The following CNTN4 variants were observed in gnomAD, a reference collection of about 807,000 sequenced individuals.
CNTN4 encodes the protein contactin-4.
A neutral mutation model predicts 122.5 loss-of-function variants in CNTN4; 77 were observed. The observed-to-expected ratio is 0.63, with a 90% CI of 0.52 to 0.76. CNTN4 has a LOEUF of 0.76. Ranked by LOEUF, CNTN4 falls within the 30% of genes least tolerant of loss-of-function variation. The pLI, the probability that CNTN4 is intolerant of heterozygous loss-of-function variation, is 0.00. For synonymous variants in CNTN4, 512 were observed against 447.0 expected (o/e 1.15, Z -1.83); for missense variants, 1,256 against 1,259.1 (o/e 1.00, Z 0.04).
chr3:2,345,999 A>T (rs1178385374), intron 3 of CNTN4, among the ~76,000 whole-genome samples: 2 of 152,164 alleles, frequency 1.3e-5, no homozygotes, highest in Admixed American at 6.5e-5. Context: ...TCCTTTCAGC[A>T]GCGTGTAGTT....
intron 6 of CNTN4, among the ~76,000 whole-genome samples, chr3:2,752,156 CACTT>C (rs1441073522): frequency 3.3e-5 from 5 of 152,148 alleles, no homozygotes; most frequent in Non-Finnish European, 5.9e-5. Context: ...AAATAACTAT[CACTT>C]ACAAAAACTT....
At chr3:2,371,396 C>T (rs192142156) in intron 3 of CNTN4, among the ~76,000 whole-genome samples, 1 of 152,240 alleles carries the variant, frequency 6.6e-6, no homozygotes, top group Admixed American at 6.5e-5. Flanking sequence ...AATTACAAAC[C>T]CCAACCCCAA....
intron 2 of CNTN4, among the ~76,000 whole-genome samples, chr3:2,243,467 C>T (rs1005831521): frequency 5.9e-5 from 9 of 151,946 alleles, no homozygotes; most frequent in African/African-American, 1.9e-4. Flanking sequence ...TTTATTGTGG[C>T]CTGAGACAAA....
At chr3:2,451,540 T>A (rs1388720508) in intron 3 of CNTN4, among the ~76,000 whole-genome samples, 5 of 151,724 alleles carry the variant, frequency 3.3e-5, no homozygotes, top group Non-Finnish European at 7.4e-5. Context: ...AGATCTTAAA[T>A]ATATTTATTC....
intron 2 of CNTN4, among the ~76,000 whole-genome samples, chr3:2,281,700 G>A (rs1039428226): frequency 2.6e-5 from 4 of 151,912 alleles, no homozygotes; most frequent in Non-Finnish European, 5.9e-5. Flanking sequence ...ACAGCTTTTG[G>A]TATTGCTAGG....
intron 3 of CNTN4, among the ~76,000 whole-genome samples, chr3:2,390,092 G>C (rs2046388711): frequency 6.6e-6 from 1 of 152,058 alleles, no homozygotes; most frequent in African/African-American, 2.4e-5. Context: ...TTTATTTTCA[G>C]ATGACAGTTT....
intron 8 of CNTN4, among the ~76,000 whole-genome samples, chr3:2,872,169 C>T (rs1179972562): frequency 6.6e-6 from 1 of 152,174 alleles, no homozygotes; most frequent in Non-Finnish European, 1.5e-5. Context: ...ACAAAGGTAA[C>T]AGACCACTCA....
intron 7 of CNTN4, among the ~76,000 whole-genome samples, chr3:2,828,803 C>T (rs1198759791): frequency 7.2e-5 from 11 of 152,122 alleles, no homozygotes; most frequent in Admixed American, 2.6e-4. Flanking sequence ...TGCAGTGGCA[C>T]GATCATGGGT....
chr3:2,780,468 A>G lies in CNTN4; in HGVS notation c.358+34771A>G, dbSNP rs936133601. Among the ~76,000 whole-genome samples, 4 of 152,218 alleles carry G rather than the reference A, an allele frequency of 2.6e-5. No individual in the cohort carries two copies. In the South Asian group the frequency reaches 8.3e-4, roughly 31 times the overall value. On this transcript the variant is annotated intron_variant, in intron 6 of 24. Coordinates refer to ENST00000418658, the MANE Select transcript of CNTN4 (RefSeq NM_175607.3). Reference sequence around the variant, plus strand: ...TTTATGCATTTTCTCTTTGGCTTCCACATAAGAATAAAAGACTATATATTT... The same window carrying G: ...TTTATGCATTTTCTCTTTGGCTTCCGCATAAGAATAAAAGACTATATATTT...
intron 16 of CNTN4, among the ~76,000 whole-genome samples, chr3:3,033,090 A>C (rs570885020): frequency 6.6e-6 from 1 of 152,290 alleles, no homozygotes; most frequent in East Asian, 1.9e-4. Context: ...AGAGGGAAAC[A>C]CTTTTCTATT....
chr3:2,801,648 C>T (rs567633149), intron 6 of CNTN4, among the ~76,000 whole-genome samples: 6 of 150,528 alleles, frequency 4.0e-5, no homozygotes, highest in Non-Finnish European at 4.4e-5. Flanking sequence ...TTGCTTGTAT[C>T]ATTGTCGTGA....
chr3:2,861,222 T>A (rs908403707), intron 7 of CNTN4, among the ~76,000 whole-genome samples: 48 of 152,148 alleles, frequency 3.2e-4, no homozygotes. Flanking sequence ...TCAATTCATG[T>A]CTCTTGACAC....
intron 6 of CNTN4, among the ~76,000 whole-genome samples, chr3:2,752,805 C>T (rs1425316969): frequency 6.6e-6 from 1 of 152,276 alleles, no homozygotes; most frequent in East Asian, 1.9e-4. Flanking sequence ...CTACTGTCTA[C>T]TCTAATTCTG....
At chr3:2,401,519 CAACTT>C (rs1488305449) in intron 3 of CNTN4, among the ~76,000 whole-genome samples, 1 of 152,092 alleles carries the variant, frequency 6.6e-6, no homozygotes, top group Non-Finnish European at 1.5e-5. Flanking sequence ...AATTATTTCA[CAACTT>C]AAAGCTTTAT....
intron 3 of CNTN4, among the ~76,000 whole-genome samples, chr3:2,400,430 T>TATATAA (rs1553640939): frequency 2.9e-5 from 2 of 68,554 alleles, no homozygotes; most frequent in African/African-American, 5.5e-5. Context: ...TATATATACA[T>TATATAA]ATATATATAT....
At chr3:2,183,063 C>G (rs986302821) in intron 2 of CNTN4, among the ~76,000 whole-genome samples, 1 of 152,120 alleles carries the variant, frequency 6.6e-6, no homozygotes, top group African/African-American at 2.4e-5. Flanking sequence ...AGTTCAATAA[C>G]TAACATTATA....
chr3:2,263,492 C>T (rs1362083407), intron 2 of CNTN4, among the ~76,000 whole-genome samples: 1 of 152,002 alleles, frequency 6.6e-6, no homozygotes, highest in Non-Finnish European at 1.5e-5. Context: ...AATTAAAAAT[C>T]TTAAATTGAT....
At chr3:2,815,401 T>C (rs1419095558) in intron 6 of CNTN4, among the ~76,000 whole-genome samples, 1 of 151,692 alleles carries the variant, frequency 6.6e-6, no homozygotes, top group Non-Finnish European at 1.5e-5. Flanking sequence ...AAGAAAAAAA[T>C]CAAACAGTCC....
At position 2,926,780 on chromosome 3, in the gene CNTN4, C is replaced by CG. The variant is rs1553696448; in HGVS notation, c.1358+1001_1358+1002insG. 1.0e-3 allele frequency among the ~76,000 whole-genome samples: 153 copies of CG among 151,932 alleles called. 1 individual carries two copies. The highest frequency in any genetic ancestry group is 3.4e-3 in the African/African-American group (142 of 41,414). On this transcript the variant is annotated intron_variant, in intron 13 of 24. Coordinates refer to ENST00000418658, the MANE Select transcript of CNTN4 (RefSeq NM_175607.3). Reference sequence around the variant, plus strand: ...ATGGTTTATAAATGGTGTATTCATACTTTTTTTAACACTTGCTATGGACTA... The same window carrying CG: ...ATGGTTTATAAATGGTGTATTCATACGTTTTTTTAACACTTGCTATGGACTA...
Sources: gnomAD v4.1 joint callset for allele counts (sites outside exome capture counted in the v4.1 genomes callset) on GRCh38, gnomAD v4.1.1 for gene constraint, MANE v1.5 for transcripts, NCBI Gene and HGNC (gene_info 2026-07-23, HGNC 2026-07-21) for gene names.